CLSTN1: variants seen among roughly 807,000 people sequenced by gnomAD.
The protein encoded by CLSTN1 is calsyntenin 1, also known as calsyntenin-1.
In CLSTN1, 28 loss-of-function variants were observed where a neutral mutation model predicts 108.3. The ratio of observed to expected loss-of-function variants is 0.26; its 90% CI spans 0.19 to 0.35. The LOEUF (loss-of-function observed/expected upper bound fraction) is 0.35. Ranked by LOEUF, CLSTN1 falls within the 10% of genes least tolerant of loss-of-function variation. The probability of loss-of-function intolerance (pLI) is 1.00; values close to 1 mark genes in which losing one functional copy is unlikely to be tolerated. For synonymous variants in CLSTN1, 524 were observed against 534.9 expected (o/e 0.98, Z 0.28); for missense variants, 1,157 against 1,302.6 (o/e 0.89, Z 1.72).
intron 1 of CLSTN1, among the ~76,000 whole-genome samples, chr1:9,815,678 G>C (rs1654940666): frequency 6.6e-6 from 1 of 152,230 alleles, no homozygotes; most frequent in Non-Finnish European, 1.5e-5. Flanking sequence ...GCTCACGCCT[G>C]TAATCCCGGC....
chr1:9,786,471 G>A (rs1166628060), intron 1 of CLSTN1, among the ~76,000 whole-genome samples: 2 of 151,754 alleles, frequency 1.3e-5, no homozygotes, highest in South Asian at 2.1e-4. Flanking sequence ...GCGAAACCCC[G>A]TCTCTACTAA....
chr1:9,736,051 CA>C lies in CLSTN1; in HGVS notation c.1577-10del, dbSNP rs764957528. 37 of 1,613,960 alleles carry C rather than the reference CA, an allele frequency of 2.3e-5. No homozygotes were observed. Among genetic ancestry groups the C allele is most frequent in the Non-Finnish European group, 2.9e-5 (34 of 1,180,030 alleles). On this transcript the variant is annotated splice_polypyrimidine_tract_variant and intron_variant, in intron 11 of 18. Transcript: ENST00000377298. ...CATGTGCAGGTCGCCACCTTTGGGT[CA>C]GGGGAGAAAAGGCGAAGTCAGGCGT...
intron 1 of CLSTN1, among the ~76,000 whole-genome samples, chr1:9,820,224 A>G (rs1655140493): frequency 6.6e-6 from 1 of 152,094 alleles, no homozygotes; most frequent in African/African-American, 2.4e-5. Flanking sequence ...TCGACACTGC[A>G]GAATTTAAGT....
At chr1:9,771,805 T>G (rs1002311780) in intron 2 of CLSTN1, among the ~76,000 whole-genome samples, 1 of 152,148 alleles carries the variant, frequency 6.6e-6, no homozygotes, top group Admixed American at 6.6e-5. Context: ...CACGGGTGAC[T>G]GTGCTGAAAA....
intron 7 of CLSTN1, 130 bp from the exon 8 acceptor site, chr1:9,744,773 G>A (rs1247564410): frequency 1.1e-5 from 13 of 1,142,796 alleles, no homozygotes; most frequent in South Asian, 6.6e-5. Flanking sequence ...TTTTTCTTTC[G>A]AGACAGAGTC....
intron 10 of CLSTN1, among the ~76,000 whole-genome samples, chr1:9,739,313 A>G (rs1302146888): frequency 6.6e-6 from 1 of 152,168 alleles, no homozygotes; most frequent in African/African-American, 2.4e-5. Flanking sequence ...CAGCCCTCAC[A>G]ACTTGGAACT....
At chr1:9,749,192 C>T (rs1276632561) in intron 7 of CLSTN1, among the ~76,000 whole-genome samples, 1 of 152,162 alleles carries the variant, frequency 6.6e-6, no homozygotes, top group East Asian at 1.9e-4. Context: ...GTATAAGCCA[C>T]CACATCTGGC....
intron 2 of CLSTN1, among the ~76,000 whole-genome samples, chr1:9,764,403 A>G (rs938543139): frequency 6.6e-6 from 1 of 152,112 alleles, no homozygotes; most frequent in Non-Finnish European, 1.5e-5. Context: ...TTGGGAGGCC[A>G]AGGCAGGTGG....
intron 2 of CLSTN1, among the ~76,000 whole-genome samples, chr1:9,766,616 C>T (rs1314141897): frequency 1.3e-5 from 2 of 152,066 alleles, no homozygotes; most frequent in Non-Finnish European, 2.9e-5. Context: ...GCCGAGATCG[C>T]GCCACTGCAC....
Position 9,730,835 on chromosome 1 carries a change from C to A in CLSTN1, c.2749-130G>T, listed in dbSNP as rs1374996402. 7 of 861,094 alleles carry A rather than the reference C, an allele frequency of 8.1e-6. No individual in the cohort carries two copies. The Admixed American group carries it at 1.6e-4, about 20-fold the overall frequency. 53.3% of individuals were successfully genotyped at this position (861,094 alleles called of 1,614,324 possible). ...GTCTCCCTCCCCAGCGACAGAGCAGCCAGGACGGCACCGGAAGTTATATTA... is the reference window on the plus strand; with the variant it reads ...GTCTCCCTCCCCAGCGACAGAGCAGACAGGACGGCACCGGAAGTTATATTA... On this transcript the variant is annotated intron_variant, in intron 18 of 18. Coordinates refer to ENST00000377298, the MANE Select transcript of CLSTN1 (RefSeq NM_001009566.3). The surrounding 1 kb of genome is among the most constrained non-coding windows in gnomAD (Gnocchi z 5.6).
intron 2 of CLSTN1, among the ~76,000 whole-genome samples, chr1:9,760,602 C>T (rs1652022641): frequency 6.6e-6 from 1 of 151,802 alleles, no homozygotes; most frequent in Non-Finnish European, 1.5e-5. Context: ...TAGATGGGAC[C>T]TCCACCTCCT....
chr1:9,791,968 G>C (rs962374350), intron 1 of CLSTN1, among the ~76,000 whole-genome samples: 3 of 151,074 alleles, frequency 2.0e-5, no homozygotes, highest in South Asian at 2.2e-4. Context: ...GGCCAACATG[G>C]GGAAATCATG....
rs78105956 is a variant in CLSTN1, at chr1:9,730,220, G to A, written c.*288C>T. ...GGCCAGTGTCCTCTCCCCGGGGGGA[G>A]ACTCCAGACACAAACGCGGGGCCTG... is the stretch of plus-strand genomic sequence containing the variant. On this transcript the variant is annotated 3_prime_UTR_variant, in exon 19 of 19. Coordinates refer to ENST00000377298, the MANE Select transcript of CLSTN1 (RefSeq NM_001009566.3). This position sits in a 1 kb window ranked among gnomAD's most constrained non-coding sequence, Gnocchi z 5.6. 5,040 of 508,156 alleles carry A rather than the reference G, an allele frequency of 9.9e-3. 180 individuals carry two copies. The highest frequency in any genetic ancestry group is 0.071 in the African/African-American group (3,710 of 52,580). The allele number at this position is 508,156 out of a possible 1,614,324, so 31.5% of individuals were successfully genotyped here.
intron 1 of CLSTN1, among the ~76,000 whole-genome samples, chr1:9,778,469 G>GT (rs1002245699): frequency 1.6e-3 from 241 of 151,626 alleles, no homozygotes; most frequent in African/African-American, 4.4e-3. Context: ...CTGCGAAGGT[G>GT]TTTTTTTTTA....
At chr1:9,760,409 AGGGTCAGC>A (rs1404507965) in intron 2 of CLSTN1, among the ~76,000 whole-genome samples, 2 of 152,160 alleles carry the variant, frequency 1.3e-5, no homozygotes, top group African/African-American at 2.4e-5. Flanking sequence ...AGCCATCTGC[AGGGTCAGC>A]CAGTACGCCT....
intron 1 of CLSTN1, among the ~76,000 whole-genome samples, chr1:9,788,297 G>A (rs934242538): frequency 2.6e-5 from 4 of 151,504 alleles, no homozygotes; most frequent in African/African-American, 4.8e-5. Flanking sequence ...TAGGCCAGAT[G>A]CGGTAGCTCA....
chr1:9,799,126 A>G (rs1432934660), intron 1 of CLSTN1, among the ~76,000 whole-genome samples: 2 of 152,184 alleles, frequency 1.3e-5, no homozygotes, highest in Non-Finnish European at 2.9e-5. Context: ...GGATCCAGTG[A>G]GCCCTGATCG....
intron 2 of CLSTN1, among the ~76,000 whole-genome samples, chr1:9,772,778 T>C (rs1010002743): frequency 1.3e-5 from 2 of 152,330 alleles, no homozygotes; most frequent in South Asian, 2.1e-4. Flanking sequence ...AGCATTCCTC[T>C]ATAAAGACCG....
At chr1:9,743,731 T>G (rs1343124949) in intron 9 of CLSTN1, among the ~76,000 whole-genome samples, 153 bp downstream of exon 9, 12 of 151,854 alleles carry the variant, frequency 7.9e-5, no homozygotes, top group Non-Finnish European at 1.5e-5. Context: ...TGGGTTTTTT[T>G]TTTTTTGTAG....
Sources: gnomAD v4.1 joint callset for allele counts (sites outside exome capture counted in the v4.1 genomes callset) on GRCh38, gnomAD v4.1.1 for gene constraint, Gnocchi (gnomAD v3.1) non-coding constraint, MANE v1.5 for transcripts, NCBI Gene and HGNC (gene_info 2026-07-23, HGNC 2026-07-21) for gene names.